The following ENOX1 variants were observed in gnomAD, a reference collection of about 807,000 sequenced individuals.
ENOX1 encodes candidate growth-related and time keeping constitutive hydroquinone (NADH) oxidase.
ENOX1 carries 42 observed loss-of-function variants against 82.5 expected under a neutral mutation model. The observed-to-expected ratio is 0.51, with a 90% CI of 0.40 to 0.66. The LOEUF is 0.66. ENOX1 is among the 30% of genes least tolerant of loss of function. ENOX1 has a pLI of 0.00. For missense variants in ENOX1, 608 were observed against 811.6 expected (o/e 0.75, Z 3.05); for synonymous variants, 271 against 282.2 (o/e 0.96, Z 0.40).
intron 1 of ENOX1, among the ~76,000 whole-genome samples, chr13:43,681,807 A>G (rs2085801490): frequency 6.6e-6 from 1 of 151,950 alleles, no homozygotes; most frequent in Non-Finnish European, 1.5e-5. Context: ...GGAGATATTA[A>G]ATATTAAAAG....
At chr13:43,680,382 T>A (rs1054135203) in intron 1 of ENOX1, among the ~76,000 whole-genome samples, 21 of 152,184 alleles carry the variant, frequency 1.4e-4, no homozygotes, top group African/African-American at 5.1e-4. Context: ...CATGGACAAC[T>A]CTCTATTCCA....
chr13:43,525,490 A>C (rs2077949411), intron 2 of ENOX1, among the ~76,000 whole-genome samples: 1 of 152,126 alleles, frequency 6.6e-6, no homozygotes, highest in Non-Finnish European at 1.5e-5. Context: ...TCTTTGGCCT[A>C]TATTCCCAAA....
intron 3 of ENOX1, among the ~76,000 whole-genome samples, chr13:43,451,069 T>G (rs1034109939): frequency 1.3e-5 from 2 of 152,172 alleles, no homozygotes; most frequent in African/African-American, 4.8e-5. Flanking sequence ...ATAAACTTCT[T>G]GGTGATGTTG....
intron 2 of ENOX1, among the ~76,000 whole-genome samples, chr13:43,592,363 G>A (rs552430812): frequency 1.3e-3 from 204 of 152,276 alleles, no homozygotes; most frequent in Admixed American, 2.7e-3. Flanking sequence ...GAGCATCTGG[G>A]ACATGTAAAA....
chr13:43,708,876 T>TA (rs1020493747), intron 1 of ENOX1, among the ~76,000 whole-genome samples: 42 of 151,720 alleles, frequency 2.8e-4, no homozygotes, highest in African/African-American at 9.9e-4. Flanking sequence ...AAACAAAACA[T>TA]AAAAAAATTC....
At chr13:43,341,540 G>C (rs1394645466) in intron 9 of ENOX1, among the ~76,000 whole-genome samples, 1 of 152,150 alleles carries the variant, frequency 6.6e-6, no homozygotes. Flanking sequence ...GTGAGTCTGA[G>C]GATAACTGAA....
intron 2 of ENOX1, among the ~76,000 whole-genome samples, chr13:43,601,529 G>A (rs928205536): frequency 6.6e-6 from 1 of 152,026 alleles, no homozygotes; most frequent in Non-Finnish European, 1.5e-5. Flanking sequence ...AATGAAGCAT[G>A]CCTACAAGGT....
chr13:43,239,824 C>T (rs192535857), intron 14 of ENOX1, among the ~76,000 whole-genome samples: 122 of 152,284 alleles, frequency 8.0e-4, no homozygotes, highest in Middle Eastern at 3.4e-3. Context: ...TGTAGTTTTA[C>T]CTTTTCCAAT....
chr13:43,346,044 A>G (rs141195676), intron 8 of ENOX1, among the ~76,000 whole-genome samples: 99 of 152,318 alleles, frequency 6.5e-4, no homozygotes, highest in African/African-American at 2.2e-3. Context: ...AGATTTTAAA[A>G]TCAATCATTG....
At chr13:43,279,776 G>A (rs2153489713) in intron 12 of ENOX1, among the ~76,000 whole-genome samples, 1 of 152,322 alleles carries the variant, frequency 6.6e-6, no homozygotes, top group Middle Eastern at 3.4e-3. Context: ...TGACATTTAA[G>A]TCATATGAGT....
intron 14 of ENOX1, among the ~76,000 whole-genome samples, chr13:43,238,069 T>C (rs903206168): frequency 6.6e-6 from 1 of 152,196 alleles, no homozygotes; most frequent in Non-Finnish European, 1.5e-5. Context: ...AGTGATGTGA[T>C]GATATATCAC....
intron 3 of ENOX1, among the ~76,000 whole-genome samples, chr13:43,443,595 G>C (rs1401594287): frequency 1.3e-5 from 2 of 152,110 alleles, no homozygotes; most frequent in South Asian, 2.1e-4. Context: ...CCACAACTGT[G>C]CTGGCAGGAC....
chr13:43,286,280 T>C (rs2045698662), intron 12 of ENOX1, among the ~76,000 whole-genome samples: 1 of 152,244 alleles, frequency 6.6e-6, no homozygotes, highest in African/African-American at 2.4e-5. Flanking sequence ...AAGTCCGCTT[T>C]GATGTATTAC....
chr13:43,416,359 G>A (rs143547882), intron 3 of ENOX1, among the ~76,000 whole-genome samples: 15,717 of 134,974 alleles, frequency 0.12, 30 homozygotes, highest in East Asian at 0.35. Context: ...TGGGGCGGCC[G>A]GACAGAAGCG....
At chr13:43,773,960 T>C (rs1951785591) in intron 1 of ENOX1, among the ~76,000 whole-genome samples, 1 of 152,106 alleles carries the variant, frequency 6.6e-6, no homozygotes, top group African/African-American at 2.4e-5. Flanking sequence ...AATCGCAATA[T>C]GATATGAAAA....
intron 8 of ENOX1, among the ~76,000 whole-genome samples, chr13:43,348,891 T>C (rs1315994175): frequency 6.6e-6 from 1 of 152,160 alleles, no homozygotes; most frequent in Non-Finnish European, 1.5e-5. Context: ...TATGCTGAGG[T>C]TGCTAAAATC....
intron 9 of ENOX1, among the ~76,000 whole-genome samples, chr13:43,334,491 A>T (rs184932049): frequency 6.6e-6 from 1 of 152,162 alleles, no homozygotes; most frequent in African/African-American, 2.4e-5. Flanking sequence ...GGGAGACAAC[A>T]TATATATGAT....
chr13:43,715,786 C>T (rs1193603758), intron 1 of ENOX1, among the ~76,000 whole-genome samples: 1 of 152,116 alleles, frequency 6.6e-6, no homozygotes, highest in South Asian at 2.1e-4. Flanking sequence ...GCATTCTTCA[C>T]GTAGTTCTCG....
At chr13:43,255,626 GC>G (rs1422551732) in intron 14 of ENOX1, among the ~76,000 whole-genome samples, 3 of 152,004 alleles carry the variant, frequency 2.0e-5, no homozygotes, top group African/African-American at 7.2e-5. Context: ...ATTTATATAT[GC>G]CAACAGCAAA....
Sources: allele counts gnomAD v4.1 joint callset (sites outside exome capture counted in the v4.1 genomes callset), GRCh38; gene constraint gnomAD v4.1.1; transcripts MANE v1.5; gene names NCBI Gene and HGNC (gene_info 2026-07-23, HGNC 2026-07-21).